Variants in RPS6KA5 observed in about 807,000 individuals in gnomAD.
RPS6KA5 encodes the protein ribosomal protein S6 kinase alpha-5.
A neutral mutation model predicts 85.5 loss-of-function variants in RPS6KA5; 27 were observed. The observed-to-expected ratio is 0.32, with a 90% CI of 0.23 to 0.44. RPS6KA5 has a LOEUF of 0.44. RPS6KA5 is among the 20% of genes least tolerant of loss of function. The pLI is 1.00. For missense variants in RPS6KA5, 811 were observed against 980.9 expected (o/e 0.83, Z 2.31); for synonymous variants, 334 against 348.2 (o/e 0.96, Z 0.46).
chr14:90,889,813 G>C (rs2034453518), intron 14 of RPS6KA5, among the ~76,000 whole-genome samples: 1 of 152,126 alleles, frequency 6.6e-6, no homozygotes, highest in South Asian at 2.1e-4. Context: ...GGGAGAGAGA[G>C]AGCTTGAGGT....
At chr14:90,925,199 G>A (rs2036592357) in intron 5 of RPS6KA5, among the ~76,000 whole-genome samples, 1 of 152,158 alleles carries the variant, frequency 6.6e-6, no homozygotes, top group Admixed American at 6.5e-5. Flanking sequence ...CACAAACGGT[G>A]GAAAGGTGAG....
At chr14:91,007,219 A>C (rs1190106433) in intron 1 of RPS6KA5, among the ~76,000 whole-genome samples, 1 of 152,188 alleles carries the variant, frequency 6.6e-6, no homozygotes, top group Non-Finnish European at 1.5e-5. Context: ...ACTTAGAAAA[A>C]TATTAACTCC....
At chr14:90,983,380 A>T (rs1226518063) in intron 2 of RPS6KA5, among the ~76,000 whole-genome samples, 1 of 152,006 alleles carries the variant, frequency 6.6e-6, no homozygotes, top group East Asian at 1.9e-4. Context: ...CAGGCAAATC[A>T]CTTGAGCCCA....
intron 14 of RPS6KA5, among the ~76,000 whole-genome samples, chr14:90,883,887 T>G (rs2034014969): frequency 6.6e-6 from 1 of 152,246 alleles, no homozygotes; most frequent in Non-Finnish European, 1.5e-5. Flanking sequence ...TTCTCAGGTC[T>G]TTGATGAGCC....
chr14:90,898,954 T>C (rs917731571), intron 12 of RPS6KA5, among the ~76,000 whole-genome samples: 1 of 152,190 alleles, frequency 6.6e-6, no homozygotes, highest in African/African-American at 2.4e-5. Context: ...GAAAGGGAAG[T>C]TGGAGGCTCA....
rs146616169 is a variant in RPS6KA5, at chr14:91,034,090, T to A, written c.103+26242A>T. 7.2e-3 allele frequency among the ~76,000 whole-genome samples: 1,100 copies of A among 152,154 alleles called. 9 individuals carry two copies. The highest frequency in any genetic ancestry group is 0.024 in the Middle Eastern group (7 of 294). ...GAGAGGCTGAGGCAGGCAAATCACC[T>A]GAGCCACAGCATTAGAGACCAGCCT... On this transcript the variant is annotated intron_variant, in intron 1 of 16. Coordinates refer to ENST00000614987, the MANE Select transcript of RPS6KA5 (RefSeq NM_004755.4).
chr14:90,923,102 A>AG lies in RPS6KA5; in HGVS notation c.702+10_702+11insC. The AG allele has an allele frequency of 6.3e-7, 1 of 1,588,898 alleles. No individual in the cohort carries two copies. Among genetic ancestry groups the AG allele is most frequent in the Non-Finnish European group, 8.6e-7 (1 of 1,159,058 alleles). Reference sequence around the variant, plus strand: ...AGAAATACATAAAGAAGCATCAAAAATAGAACATACCTTGTCATGTCCTGA... The same window carrying AG: ...AGAAATACATAAAGAAGCATCAAAAAGTAGAACATACCTTGTCATGTCCTGA... On this transcript the variant is annotated intron_variant, in intron 6 of 16. Coordinates refer to ENST00000614987, the MANE Select transcript of RPS6KA5 (RefSeq NM_004755.4).
chr14:90,956,964 GTTT>G (rs61106740), intron 3 of RPS6KA5, among the ~76,000 whole-genome samples: 48,290 of 123,198 alleles, frequency 0.39, 8,882 homozygotes, highest in East Asian at 0.57. Flanking sequence ...CTGTTTTTCT[GTTT>G]TTTTTTTTTT....
At chr14:91,006,443 C>T (rs1300244314) in intron 1 of RPS6KA5, among the ~76,000 whole-genome samples, 1 of 152,128 alleles carries the variant, frequency 6.6e-6, no homozygotes, top group East Asian at 1.9e-4. Flanking sequence ...GTAATCAGGT[C>T]ATTAGGGTGA....
At chr14:90,905,010 A>C (rs1184151506) in intron 8 of RPS6KA5, among the ~76,000 whole-genome samples, 1 of 152,220 alleles carries the variant, frequency 6.6e-6, no homozygotes, top group Non-Finnish European at 1.5e-5. Context: ...GTTTGTTCAA[A>C]GAGTAATCCT....
chr14:90,944,030 C>A (rs1170793936), intron 4 of RPS6KA5, among the ~76,000 whole-genome samples: 1 of 152,094 alleles, frequency 6.6e-6, no homozygotes, highest in Non-Finnish European at 1.5e-5. Flanking sequence ...AACTTTAGTT[C>A]TAAATAAGCA....
Position 90,900,699 on chromosome 14 carries a change from C to T in RPS6KA5, c.1157G>A (p.Arg386His), listed in dbSNP as rs760703708. The change falls in exon 10 of 17, where the codon CGT becomes CAT. Residue 386 changes from arginine (R) to histidine (H), a missense_variant. Around this residue, in one of 3 missense-constraint regions of RPS6KA5, gnomAD observed 650 missense variants for 793.4 expected, o/e 0.82. Transcript: ENST00000614987. ...SFVAPSILFK[R>H]NAAVIDPLQF... ...AAGAGGGTCTATGACAGCTGCATTA[C>T]GCTTGAATAGGATGGAAGGAGCAAC... 10 of 1,613,414 alleles carry T rather than the reference C, an allele frequency of 6.2e-6. No homozygotes were observed. The highest frequency in any genetic ancestry group is 1.1e-5 in the South Asian group (1 of 91,058).
At chr14:90,895,819 G>A (rs1020782250) in intron 12 of RPS6KA5, among the ~76,000 whole-genome samples, 1 of 152,204 alleles carries the variant, frequency 6.6e-6, no homozygotes, top group African/African-American at 2.4e-5. Flanking sequence ...GAGCTCGGGA[G>A]GTCAAGGCTG....
rs868642465 is a variant in RPS6KA5 at position 90,957,786 on chromosome 14, C to T, written c.395-10236G>A. On this transcript the variant is annotated intron_variant, in intron 3 of 16. Coordinates refer to ENST00000614987, the MANE Select transcript of RPS6KA5 (RefSeq NM_004755.4). Reference sequence around the variant, plus strand: ...GTTGCTCTAATGGAGCTACTGGCTTCCTCTTAAATTGCTTACCACCAAAAT... The same window carrying T: ...GTTGCTCTAATGGAGCTACTGGCTTTCTCTTAAATTGCTTACCACCAAAAT... Among the ~76,000 whole-genome samples the T allele has an allele frequency of 1.1e-4, 17 of 152,090 alleles. 1 individual carries two copies. In the Middle Eastern group the frequency reaches 0.01, roughly 91 times the overall value.
chr14:91,053,719 C>G (rs560567154), intron 1 of RPS6KA5, among the ~76,000 whole-genome samples: 1 of 152,306 alleles, frequency 6.6e-6, no homozygotes, highest in South Asian at 2.1e-4. Context: ...AATGGAAAGA[C>G]ATCTCATGTT....
rs188622386 is a variant in RPS6KA5, at chr14:90,850,141, A to C, written c.*21933T>G. 1 of 152,332 alleles carries C rather than the reference A, an allele frequency of 6.6e-6. No homozygotes were observed. Among genetic ancestry groups the C allele is most frequent in the East Asian group, 1.9e-4 (1 of 5,186 alleles). The allele number at this position is 152,332 out of a possible 1,614,324, so 9.4% of individuals were successfully genotyped here. Reference sequence around the variant, plus strand: ...GTGGGCTTTCTACAAGGGAGCAAACAACCTCAATTCTTTCCTCTGGGATCC... The same window carrying C: ...GTGGGCTTTCTACAAGGGAGCAAACCACCTCAATTCTTTCCTCTGGGATCC... On this transcript the variant is annotated 3_prime_UTR_variant, in exon 17 of 17. Transcript: ENST00000614987.
At chr14:91,039,786 G>A (rs10135474) in intron 1 of RPS6KA5, among the ~76,000 whole-genome samples, 2,328 of 152,306 alleles carry the variant, frequency 0.015, 70 homozygotes, top group African/African-American at 0.053. Context: ...CAGATAGAAG[G>A]ATGAGGTTGC....
At chr14:91,006,479 T>C (rs2041023097) in intron 1 of RPS6KA5, among the ~76,000 whole-genome samples, 1 of 152,162 alleles carries the variant, frequency 6.6e-6, no homozygotes, top group South Asian at 2.1e-4. Flanking sequence ...TTCAGTGCCC[T>C]ACAAGAAGAG....
At position 90,871,909 on chromosome 14, in the gene RPS6KA5, G is replaced by A. The variant is rs1449139252; in HGVS notation, c.*165C>T. On this transcript the variant is annotated 3_prime_UTR_variant, in exon 17 of 17. Transcript: ENST00000614987. ...TATTCACAGTAACATTCTCTGTCCAGTGCTTTTGAATGAGGATAACCAAAC... is the reference window on the plus strand; with the variant it reads ...TATTCACAGTAACATTCTCTGTCCAATGCTTTTGAATGAGGATAACCAAAC... 1.7e-5 allele frequency: 14 copies of A among 823,134 alleles called. No homozygotes were observed. Among genetic ancestry groups the A allele is most frequent in the Non-Finnish European group, 2.5e-5 (13 of 522,936 alleles). The allele number at this position is 823,134 out of a possible 1,614,324, so 51.0% of individuals were successfully genotyped here. A position where few individuals can be genotyped will look rare whatever the true frequency, so the allele number is the denominator to read the frequency against.
Sources: allele counts gnomAD v4.1 joint callset (sites outside exome capture counted in the v4.1 genomes callset), GRCh38; gene constraint gnomAD v4.1.1; regional missense constraint gnomAD v4.1.1; transcripts MANE v1.5; gene names NCBI Gene and HGNC (gene_info 2026-07-23, HGNC 2026-07-21).